Variants in CCN5 observed in about 807,000 individuals in gnomAD.
The protein encoded by CCN5 is cellular communication network factor 5.
In CCN5, 17 loss-of-function variants were observed where a neutral mutation model predicts 18.7. The observed-to-expected ratio is 0.91, with a 90% confidence interval of 0.62 to 1.36. CCN5 has a LOEUF of 1.36. Among genes scored for constraint, CCN5 ranks in the 40% most tolerant of loss-of-function variants. CCN5 has a pLI of 0.00. For missense variants in CCN5, 367 were observed against 342.9 expected (o/e 1.07, Z -0.56); for synonymous variants, 135 against 145.2 (o/e 0.93, Z 0.50).
At chr20:44,720,999 G>T (rs1041650552) in intron 2 of CCN5, 1 of 152,076 alleles carries the variant, frequency 6.6e-6, no homozygotes. Context: ...TTTCCCCAGG[G>T]GGCAAAATCT....
At position 44,727,626 on chromosome 20, in the gene CCN5, TCTCCGACTTCCC is replaced by T. The variant is rs2065945934; in HGVS notation, c.*322_*333del. 4.4e-6 allele frequency: 4 copies of T among 913,784 alleles called. No homozygotes were observed. Among genetic ancestry groups the T allele is most frequent in the Non-Finnish European group, 4.3e-6 (3 of 694,296 alleles). 56.6% of individuals were successfully genotyped at this position (913,784 alleles called of 1,614,324 possible). ...CAAACATGCACACGGGCGAGCTTTCTCTCCGACTTCCCCTGGGCAAGAGATGGGACAAGCAGT... is the reference window on the plus strand; with the variant it reads ...CAAACATGCACACGGGCGAGCTTTCTCTGGGCAAGAGATGGGACAAGCAGT... On this transcript the variant is annotated 3_prime_UTR_variant, in exon 4 of 4. Transcript: ENST00000190983.
At chr20:44,720,796 GTATTCTCT>G (rs2065893795) in intron 2 of CCN5, 2 of 152,306 alleles carry the variant, frequency 1.3e-5, no homozygotes, top group African/African-American at 4.8e-5. Flanking sequence ...CTAGGCCTTG[GTATTCTCT>G]GATGCTTCGG....
chr20:44,720,170 G>T, intron 2 of CCN5, 57 bp downstream of exon 2: 5 of 1,512,348 alleles, frequency 3.3e-6, no homozygotes, highest in Non-Finnish European at 4.4e-6. Context: ...TCAAGGCCGT[G>T]GTGTCCTGGA....
rs755946804 is a variant in CCN5 at position 44,720,096 on chromosome 20, G to C, written c.260G>C (p.Arg87Pro). ...CAGCCCGGGGCAGGACCCGGTGGCC[G>C]GGGGGCCCTGTGCCTCTGTAAGCAG... ...VCQPGAGPGG[R>P]GALCLLAEDD... Residue 87 changes from arginine to proline, a missense_variant, in exon 2 of 4, where the codon CGG (arginine) becomes CCG (proline). Arg to Pro is a moderately radical substitution (Grantham distance 103, BLOSUM62 -2). Coordinates refer to ENST00000190983, the MANE Select transcript of CCN5 (RefSeq NM_003881.4). 2.7e-5 allele frequency: 42 copies of C among 1,549,224 alleles called. No homozygotes were observed. The highest frequency in any genetic ancestry group is 1.3e-4 in the South Asian group (11 of 85,328).
intron 1 of CCN5, among the ~76,000 whole-genome samples, chr20:44,716,351 C>T (rs540500814): frequency 2.0e-5 from 3 of 152,330 alleles, no homozygotes; most frequent in Non-Finnish European, 2.9e-5. Context: ...CCACAAGCCA[C>T]GATCTCACTG....
At chr20:44,726,269 T>C (rs1228998190) in intron 3 of CCN5, among the ~76,000 whole-genome samples, 2 of 152,204 alleles carry the variant, frequency 1.3e-5, no homozygotes, top group Non-Finnish European at 2.9e-5. Context: ...GTTCACCTTA[T>C]GGATAAAAGC....
Position 44,724,719 on chromosome 20 carries a change from T to A in CCN5, c.278-19T>A, listed in dbSNP as rs759152943. The A allele has an allele frequency of 1.2e-5, 20 of 1,611,448 alleles. 1 individual carries two copies. In the East Asian group the frequency reaches 2.0e-4, roughly 16 times the overall value. On this transcript the variant is annotated intron_variant, in intron 2 of 3. Coordinates refer to ENST00000190983, the MANE Select transcript of CCN5 (RefSeq NM_003881.4). ...CCGCTTTGCGGGTCACCGATGGGGGTGCGGTTTTTCCTCCGCAGTGGCAGA... is the reference window on the plus strand; with the variant it reads ...CCGCTTTGCGGGTCACCGATGGGGGAGCGGTTTTTCCTCCGCAGTGGCAGA...
rs2065927966 is a variant in CCN5 at position 44,725,134 on chromosome 20, G to A, written c.532+142G>A. 11 of 1,229,434 alleles carry A rather than the reference G, an allele frequency of 8.9e-6. No individual in the cohort carries two copies. The East Asian group carries it at 2.9e-4, about 32-fold the overall frequency. 76.2% of individuals were successfully genotyped at this position (1,229,434 alleles called of 1,614,324 possible). ...CTGGGAGGGGCGGAGGCTGAGGAGG[G>A]AGATAAGAAAGAGGAGTGGAGGGCC... On this transcript the variant is annotated intron_variant, in intron 3 of 3. Transcript: ENST00000190983.
intron 1 of CCN5, 24 bp downstream of exon 1, chr20:44,715,474 T>C (rs766714798): frequency 6.3e-7 from 1 of 1,577,658 alleles, no homozygotes; most frequent in Non-Finnish European, 8.6e-7. Flanking sequence ...GGCCCTGGAA[T>C]GCACTGCTGA....
chr20:44,720,936 G>A (rs1217705888), intron 2 of CCN5: 1 of 152,140 alleles, frequency 6.6e-6, no homozygotes, highest in African/African-American at 2.4e-5. Flanking sequence ...CTGTATGCCA[G>A]CAGCACTCCC....
In CCN5 at chr20:44,727,432, G is replaced by A; in HGVS notation, c.*125G>A. 1 of 1,445,696 alleles carries A rather than the reference G, an allele frequency of 6.9e-7. No homozygotes were observed. Among genetic ancestry groups the A allele is most frequent in the Non-Finnish European group, 9.1e-7 (1 of 1,094,538 alleles). The allele number at this position is 1,445,696 out of a possible 1,614,324, so 89.6% of individuals were successfully genotyped here. On this transcript the variant is annotated 3_prime_UTR_variant, in exon 4 of 4. Transcript: ENST00000190983. ...GGCTGCAGGCAACACTTTAGCTTGGGTCCACCATGCAGAACACCAATATTA... is the reference window on the plus strand; with the variant it reads ...GGCTGCAGGCAACACTTTAGCTTGGATCCACCATGCAGAACACCAATATTA...
At position 44,727,392 on chromosome 20, in the gene CCN5, C is replaced by G. The variant is rs539795262; in HGVS notation, c.*85C>G. Reference sequence around the variant, plus strand: ...GGCCCTGGGCTGATGGAAGATGGTCCGTGCCCAGGCCCTTGGCTGCAGGCA... The same window carrying G: ...GGCCCTGGGCTGATGGAAGATGGTCGGTGCCCAGGCCCTTGGCTGCAGGCA... On this transcript the variant is annotated 3_prime_UTR_variant, in exon 4 of 4. Coordinates refer to ENST00000190983, the MANE Select transcript of CCN5 (RefSeq NM_003881.4). 14 of 1,475,292 alleles carry G rather than the reference C, an allele frequency of 9.5e-6. No homozygotes were observed. The highest frequency in any genetic ancestry group is 1.2e-5 in the Non-Finnish European group (13 of 1,108,898). The allele number at this position is 1,475,292 out of a possible 1,614,324, so 91.4% of individuals were successfully genotyped here.
rs538005457 is a variant in CCN5 at position 44,727,762 on chromosome 20, G to A, written c.*455G>A. 2 of 258,704 alleles carry A rather than the reference G, an allele frequency of 7.7e-6. No individual in the cohort carries two copies. The highest frequency in any genetic ancestry group is 6.9e-5 in the East Asian group (1 of 14,494). The allele number at this position is 258,704 out of a possible 1,614,324, so 16.0% of individuals were successfully genotyped here. ...ACACAGAGATTCTGGATCTCCTGCT[G>A]CCTTTTCTGGAGTTTGTAAAATTGT... On this transcript the variant is annotated 3_prime_UTR_variant, in exon 4 of 4. Coordinates refer to ENST00000190983, the MANE Select transcript of CCN5 (RefSeq NM_003881.4).
chr20:44,724,544 C>A, intron 2 of CCN5, 194 bp from the exon 3 acceptor site: 1 of 785,560 alleles, frequency 1.3e-6, no homozygotes, highest in Non-Finnish European at 1.9e-6. Context: ...TTCTTGCAAT[C>A]CCTGTGCCGG....
intron 2 of CCN5, among the ~76,000 whole-genome samples, chr20:44,723,077 C>A (rs1186660408): frequency 3.9e-5 from 6 of 152,120 alleles, no homozygotes; most frequent in African/African-American, 1.4e-4. Flanking sequence ...AAGGCCCCAA[C>A]AGGATCCTGT....
chr20:44,726,215 G>A (rs1446955264), intron 3 of CCN5, among the ~76,000 whole-genome samples: 1 of 152,188 alleles, frequency 6.6e-6, no homozygotes, highest in Non-Finnish European at 1.5e-5. Context: ...TCCCTGTGAT[G>A]GAATATGATA....
intron 2 of CCN5, chr20:44,720,972 C>T (rs1312875607): frequency 6.6e-6 from 1 of 152,204 alleles, no homozygotes; most frequent in East Asian, 1.9e-4. Context: ...GACAGTCTGT[C>T]TTCAGACAGT....
intron 2 of CCN5, among the ~76,000 whole-genome samples, chr20:44,723,310 C>T (rs1328916197): frequency 1.3e-5 from 2 of 148,276 alleles, no homozygotes; most frequent in Non-Finnish European, 3.0e-5. Context: ...GCAGATGCTA[C>T]GTGGAAGCAT....
In CCN5 at chr20:44,727,184, G is replaced by A. The variant is rs148591618; in HGVS notation, c.630G>A (p.Leu210=). 3.5e-5 allele frequency: 56 copies of A among 1,613,830 alleles called. No individual in the cohort carries two copies. Among genetic ancestry groups the A allele is most frequent in the Admixed American group, 8.3e-5 (5 of 60,006 alleles). ...GACCCTGCTCGACCACCTGTGGGCT[G>A]GGCATGGCCACCCGGGTGTCCAACC... The part of the protein sequence containing the change: ...AWGPCSTTCG[L]GMATRVSNQN... The change falls in exon 4 of 4, where the codon CTG becomes CTA. Residue 210 remains leucine, a synonymous_variant. Coordinates refer to ENST00000190983, the MANE Select transcript of CCN5 (RefSeq NM_003881.4).
Sources: gnomAD v4.1 joint callset for allele counts (sites outside exome capture counted in the v4.1 genomes callset) on GRCh38, gnomAD v4.1.1 for gene constraint, MANE v1.5 for transcripts, NCBI Gene and HGNC (gene_info 2026-07-23, HGNC 2026-07-21) for gene names.